Variants in NRG3 observed in about 807,000 individuals in gnomAD.
NRG3 encodes the protein neuregulin 3.
In NRG3, 31 loss-of-function variants were observed where a neutral mutation model predicts 66.9. The observed-to-expected ratio is 0.46, with a 90% CI of 0.35 to 0.63. NRG3 has a LOEUF of 0.63. Ranked by LOEUF, NRG3 falls within the 20% of genes least tolerant of loss-of-function variation. NRG3 has a pLI of 0.00. For missense variants in NRG3, 910 were observed against 878.9 expected (o/e 1.04, Z -0.45); for synonymous variants, 393 against 359.4 (o/e 1.09, Z -1.06).
intron 2 of NRG3, among the ~76,000 whole-genome samples, chr10:82,709,656 G>C (rs750473603): frequency 6.6e-6 from 1 of 151,966 alleles, no homozygotes; most frequent in East Asian, 1.9e-4. Flanking sequence ...TGGAACCAGC[G>C]GCTGTTTAAG....
At chr10:82,308,717 A>G (rs966125200) in intron 1 of NRG3, among the ~76,000 whole-genome samples, 4 of 152,076 alleles carry the variant, frequency 2.6e-5, no homozygotes, top group African/African-American at 9.7e-5. Context: ...TCTTTCCTGA[A>G]TGTTCCACTT....
chr10:82,849,669 G>T lies in NRG3; in HGVS notation c.1028-15742G>T, dbSNP rs115078049. Among the ~76,000 whole-genome samples, 553 of 152,292 alleles carry T rather than the reference G, an allele frequency of 3.6e-3. 3 individuals carry two copies. Among genetic ancestry groups the T allele is most frequent in the African/African-American group, 0.013 (536 of 41,568 alleles). ...AGCTTTGTAAATGTCTGAAAGAAGA[G>T]CATTATAGGCAGATGCAGCAGCCAG... On this transcript the variant is annotated intron_variant, in intron 3 of 8. Transcript: ENST00000372141.
chr10:82,683,489 C>T (rs2054273681), intron 2 of NRG3, among the ~76,000 whole-genome samples: 1 of 151,974 alleles, frequency 6.6e-6, no homozygotes, highest in African/African-American at 2.4e-5. Context: ...ATGCTGTTAC[C>T]ATTATTGTTG....
intron 1 of NRG3, among the ~76,000 whole-genome samples, chr10:81,923,456 C>T (rs1846459448): frequency 6.6e-6 from 1 of 152,180 alleles, no homozygotes; most frequent in Admixed American, 6.5e-5. Flanking sequence ...CCGCCCGCCT[C>T]GGCCTCCCAA....
At chr10:82,742,970 A>G (rs1035876174) in intron 3 of NRG3, among the ~76,000 whole-genome samples, 15 of 152,200 alleles carry the variant, frequency 9.9e-5, no homozygotes, top group Middle Eastern at 3.4e-3. Flanking sequence ...ATCACCAGCC[A>G]ATGGAAGCAT....
intron 1 of NRG3, among the ~76,000 whole-genome samples, chr10:82,088,116 G>GAGAA (rs1183369900): frequency 1.3e-5 from 2 of 152,114 alleles, no homozygotes; most frequent in African/African-American, 4.8e-5. Context: ...GTAGGATGTA[G>GAGAA]AGAAAGACGA....
intron 2 of NRG3, among the ~76,000 whole-genome samples, chr10:82,722,520 A>C (rs2057372783): frequency 6.6e-6 from 1 of 152,146 alleles, no homozygotes; most frequent in Admixed American, 6.5e-5. Context: ...TAAAAATGCA[A>C]AAAAATATAG....
At chr10:81,941,626 T>G (rs1848410969) in intron 1 of NRG3, among the ~76,000 whole-genome samples, 1 of 152,078 alleles carries the variant, frequency 6.6e-6, no homozygotes, top group South Asian at 2.1e-4. Flanking sequence ...CTGGTCTAAG[T>G]TAAAGAAGAA....
chr10:82,138,617 C>T (rs529432742), intron 1 of NRG3, among the ~76,000 whole-genome samples: 39 of 152,140 alleles, frequency 2.6e-4, no homozygotes, highest in African/African-American at 7.0e-4. Flanking sequence ...TAAAGTCCCA[C>T]GATAGGCCAT....
At chr10:82,330,130 G>A (rs1246067209) in intron 1 of NRG3, among the ~76,000 whole-genome samples, 1 of 152,136 alleles carries the variant, frequency 6.6e-6, no homozygotes, top group Non-Finnish European at 1.5e-5. Flanking sequence ...AGAAGGCTCA[G>A]TGTTGGCACC....
At chr10:82,202,363 G>T (rs879612447) in intron 1 of NRG3, among the ~76,000 whole-genome samples, 2 of 152,162 alleles carry the variant, frequency 1.3e-5, no homozygotes, top group Non-Finnish European at 2.9e-5. Context: ...GATTGAGGGG[G>T]TAAATGAAGG....
At chr10:82,617,247 GACACACATACACATACAC>G (rs1190444744) in intron 2 of NRG3, among the ~76,000 whole-genome samples, 3 of 139,918 alleles carry the variant, frequency 2.1e-5, no homozygotes, top group Non-Finnish European at 3.1e-5. Context: ...ACACCACACA[GACACACATACACATACAC>G]ACACACAAAC....
Position 82,605,758 on chromosome 10 carries a change from A to T in NRG3, c.954-132819A>T, listed in dbSNP as rs548953827. 3.9e-5 allele frequency among the ~76,000 whole-genome samples: 6 copies of T among 152,190 alleles called. No homozygotes were observed. The South Asian group carries it at 1.2e-3, about 31-fold the overall frequency. ...CTGAGCTGGTTGCTTTCTGCTTCAGATGGTATTAATTATTGATTAAATTCC... is the reference window on the plus strand; with the variant it reads ...CTGAGCTGGTTGCTTTCTGCTTCAGTTGGTATTAATTATTGATTAAATTCC... On this transcript the variant is annotated intron_variant, in intron 2 of 8. Transcript: ENST00000372141.
chr10:82,341,479 G>T (rs567928778), intron 1 of NRG3, among the ~76,000 whole-genome samples: 1 of 152,116 alleles, frequency 6.6e-6, no homozygotes, highest in East Asian at 1.9e-4. Flanking sequence ...GGATTAATAG[G>T]TTTATTCCAA....
At position 81,875,833 on chromosome 10, in the gene NRG3, C is replaced by T; in HGVS notation, c.493C>T (p.Pro165Ser). 3 of 1,609,186 alleles carry T rather than the reference C, an allele frequency of 1.9e-6. No homozygotes were observed. The highest frequency in any genetic ancestry group is 8.5e-7 in the Non-Finnish European group (1 of 1,179,684). Reference sequence around the variant, plus strand: ...TCGCCTGACCACCATCACGCGGGCGCCCACTCGCTTCCCCGGGCACCGGGT... The same window carrying T: ...TCGCCTGACCACCATCACGCGGGCGTCCACTCGCTTCCCCGGGCACCGGGT... ...STRLTTITRA[P>S]TRFPGHRVPI... The change falls in exon 1 of 9, where the codon CCC becomes TCC. Residue 165 changes from proline (P) to serine (S), a missense_variant. Transcript: ENST00000372141. The surrounding 1 kb of genome is among the most constrained non-coding windows in gnomAD (Gnocchi z 5.3).
chr10:82,874,362 T>C (rs1051025432), intron 4 of NRG3, among the ~76,000 whole-genome samples: 13 of 152,028 alleles, frequency 8.6e-5, no homozygotes, highest in Non-Finnish European at 4.4e-5. Context: ...CTGTTCTAGT[T>C]TGTGAACTGG....
At chr10:82,616,221 A>G (rs961394952) in intron 2 of NRG3, among the ~76,000 whole-genome samples, 3 of 152,204 alleles carry the variant, frequency 2.0e-5, no homozygotes, top group Admixed American at 1.3e-4. Context: ...CGATTATGTT[A>G]TGTCCTATCA....
chr10:82,171,197 T>C (rs77621441), intron 1 of NRG3, among the ~76,000 whole-genome samples: 2,704 of 152,152 alleles, frequency 0.018, 81 homozygotes, highest in African/African-American at 0.06. Flanking sequence ...TAAATTAAAA[T>C]AATGTGGAAA....
chr10:82,897,797 G>A (rs914050250), intron 4 of NRG3, among the ~76,000 whole-genome samples: 1 of 152,180 alleles, frequency 6.6e-6, no homozygotes, highest in Admixed American at 6.5e-5. Context: ...CGGGATTACA[G>A]GCATAAGCCA....
Sources: allele counts gnomAD v4.1 joint callset (sites outside exome capture counted in the v4.1 genomes callset), GRCh38; gene constraint gnomAD v4.1.1; non-coding constraint Gnocchi (gnomAD v3.1); transcripts MANE v1.5; gene names NCBI Gene and HGNC (gene_info 2026-07-23, HGNC 2026-07-21).